Variants in CACNA2D3 observed in about 807,000 individuals in gnomAD.
CACNA2D3 encodes voltage-dependent calcium channel subunit alpha-2/delta-3.
In CACNA2D3, 60 loss-of-function variants were observed where a neutral mutation model predicts 160.6. The ratio of observed to expected loss-of-function variants is 0.37; its 90% CI spans 0.30 to 0.46. CACNA2D3 has a LOEUF of 0.46. Among genes scored for constraint, CACNA2D3 ranks in the 20% least tolerant of loss-of-function variants. CACNA2D3 has a pLI of 1.00. For missense variants in CACNA2D3, 1,205 were observed against 1,365.0 expected (o/e 0.88, Z 1.85); for synonymous variants, 558 against 492.9 (o/e 1.13, Z -1.75).
At chr3:54,743,125 A>G (rs1701686863) in intron 11 of CACNA2D3, among the ~76,000 whole-genome samples, 1 of 152,220 alleles carries the variant, frequency 6.6e-6, no homozygotes, top group Non-Finnish European at 1.5e-5. Context: ...TGTGAAAAGG[A>G]TAGAAAAGGT....
At chr3:54,261,896 C>T (rs896647164) in intron 2 of CACNA2D3, among the ~76,000 whole-genome samples, 5 of 152,134 alleles carry the variant, frequency 3.3e-5, no homozygotes, top group African/African-American at 1.2e-4. Context: ...CCCCATACTT[C>T]CCCCACTGGA....
At chr3:54,897,393 T>C (rs774278773) in intron 26 of CACNA2D3, among the ~76,000 whole-genome samples, 14 of 152,330 alleles carry the variant, frequency 9.2e-5, no homozygotes, top group South Asian at 8.3e-4. Flanking sequence ...GTTTATGATA[T>C]GATAGTATAA....
intron 35 of CACNA2D3, among the ~76,000 whole-genome samples, chr3:55,023,376 G>T (rs1382741492): frequency 6.6e-6 from 1 of 151,942 alleles, no homozygotes; most frequent in Admixed American, 6.6e-5. Context: ...GATCCTGTCT[G>T]GTCTGCTGCT....
chr3:54,479,882 A>G (rs1700904528), intron 4 of CACNA2D3, among the ~76,000 whole-genome samples: 1 of 152,150 alleles, frequency 6.6e-6, no homozygotes, highest in South Asian at 2.1e-4. Flanking sequence ...GCAAAATCAT[A>G]CCATCTTTTG....
chr3:54,156,015 T>C (rs1700237677), intron 2 of CACNA2D3, among the ~76,000 whole-genome samples: 1 of 152,188 alleles, frequency 6.6e-6, no homozygotes, highest in Non-Finnish European at 1.5e-5. Context: ...TAATTTTGTT[T>C]TTTTGAGGCT....
chr3:54,164,020 G>A (rs530156064), intron 2 of CACNA2D3, among the ~76,000 whole-genome samples: 1 of 152,214 alleles, frequency 6.6e-6, no homozygotes, highest in Non-Finnish European at 1.5e-5. Flanking sequence ...AGGAAGGTCA[G>A]GGAAGGAGAT....
At chr3:54,819,595 C>T (rs559599137) in intron 14 of CACNA2D3, among the ~76,000 whole-genome samples, 2 of 152,302 alleles carry the variant, frequency 1.3e-5, no homozygotes, top group African/African-American at 4.8e-5. Flanking sequence ...GCCTGTAATC[C>T]TAGTGCTTTG....
chr3:54,742,491 A>G (rs1462658072), intron 11 of CACNA2D3, among the ~76,000 whole-genome samples: 1 of 152,132 alleles, frequency 6.6e-6, no homozygotes, highest in East Asian at 1.9e-4. Flanking sequence ...TTGAGGGAAG[A>G]CTCAGATTCT....
intron 13 of CACNA2D3, among the ~76,000 whole-genome samples, chr3:54,803,805 GAA>G (rs1292533880): frequency 1.3e-5 from 2 of 152,234 alleles, no homozygotes; most frequent in East Asian, 3.8e-4. Flanking sequence ...CAGCCAGAGA[GAA>G]AGGTCGGATT....
At chr3:55,033,811 T>A (rs1223257684) in intron 35 of CACNA2D3, among the ~76,000 whole-genome samples, 898 of 74,044 alleles carry the variant, frequency 0.012, 74 homozygotes, top group African/African-American at 0.047. Context: ...TAATATGTAT[T>A]ATATATTAAA....
chr3:54,763,664 TG>T (rs1246290300), intron 12 of CACNA2D3, among the ~76,000 whole-genome samples: 1 of 146,296 alleles, frequency 6.8e-6, no homozygotes, highest in South Asian at 2.1e-4. Context: ...TGTGTGTGTG[TG>T]TGTGTATATA....
chr3:54,443,496 TTGGGC>T (rs1249039822), intron 4 of CACNA2D3, among the ~76,000 whole-genome samples: 1 of 152,202 alleles, frequency 6.6e-6, no homozygotes, highest in Non-Finnish European at 1.5e-5. Context: ...GTTAATTCTT[TTGGGC>T]TTCTTCACTA....
chr3:54,553,579 C>T (rs540851685), intron 5 of CACNA2D3, among the ~76,000 whole-genome samples: 3 of 152,344 alleles, frequency 2.0e-5, no homozygotes, highest in Admixed American at 2.0e-4. Flanking sequence ...CCTTCCCTTC[C>T]ATCAGTGGTT....
At chr3:54,851,151 T>A (rs533296071) in intron 17 of CACNA2D3, among the ~76,000 whole-genome samples, 4 of 152,386 alleles carry the variant, frequency 2.6e-5, no homozygotes, top group Admixed American at 2.6e-4. Flanking sequence ...TTCCTTTTTA[T>A]GGGACAGGAA....
chr3:54,478,660 G>GTGTATATATATA lies in CACNA2D3; in HGVS notation c.382-24831_382-24830insGTATATATATAT. Among the ~76,000 whole-genome samples, 20 of 36,374 alleles carry GTGTATATATATA rather than the reference G, an allele frequency of 5.5e-4. 2 individuals are homozygous for GTGTATATATATA. Among genetic ancestry groups the GTGTATATATATA allele is most frequent in the African/African-American group, 1.3e-3 (18 of 13,852 alleles). 23.9% of individuals were successfully genotyped at this position (36,374 alleles called of 152,430 possible). On this transcript the variant is annotated intron_variant, in intron 4 of 37. Coordinates refer to ENST00000474759, the MANE Select transcript of CACNA2D3 (RefSeq NM_018398.3). ...AAAATATATATATAAATATGTGTGTGTATATATATATATATATATTGCTTG... is the reference window on the plus strand; with the variant it reads ...AAAATATATATATAAATATGTGTGTGTGTATATATATATATATATATATATATATATTGCTTG...
chr3:54,664,931 T>C (rs534452044), intron 11 of CACNA2D3, among the ~76,000 whole-genome samples: 1 of 152,336 alleles, frequency 6.6e-6, no homozygotes, highest in East Asian at 1.9e-4. Context: ...ATGCAGGCTA[T>C]GTAGAGAAGG....
Position 54,896,837 on chromosome 3 carries a change from G to A in CACNA2D3, c.2335G>A (p.Gly779Arg). The change falls in exon 26 of 38, where the codon GGG (glycine) becomes AGG (arginine). Residue 779 changes from glycine (G) to arginine (R), a missense_variant. This residue lies in a region of CACNA2D3 where 911 missense variants were observed against 1,002.2 expected (regional missense o/e 0.91). Transcript: ENST00000474759. ...CCGAAGAGCCGCTGAGCAGATTCCA[G>A]GGAGCTTCGTCTACTCGATCCCATT... ...WYRRAAEQIPGSFVYSIPFST... is the reference protein window; with the variant it reads ...WYRRAAEQIPRSFVYSIPFST... The A allele has an allele frequency of 1.2e-6, 2 of 1,613,986 alleles. No individual in the cohort carries two copies. The highest frequency in any genetic ancestry group is 2.2e-5 in the East Asian group (1 of 44,870).
chr3:54,903,251 CTG>C (rs1700380392), intron 27 of CACNA2D3, among the ~76,000 whole-genome samples: 1 of 152,160 alleles, frequency 6.6e-6, no homozygotes. Flanking sequence ...GTTCCCCTCT[CTG>C]TGTCCATGTG....
intron 3 of CACNA2D3, among the ~76,000 whole-genome samples, chr3:54,334,096 T>C (rs1484363483): frequency 6.6e-6 from 1 of 152,192 alleles, no homozygotes; most frequent in African/African-American, 2.4e-5. Context: ...TTTAATTTAA[T>C]TTAATTTTTT....
Sources: gnomAD v4.1 joint callset for allele counts (sites outside exome capture counted in the v4.1 genomes callset) on GRCh38, gnomAD v4.1.1 for gene constraint, gnomAD v4.1.1 regional missense constraint, MANE v1.5 for transcripts, NCBI Gene and HGNC (gene_info 2026-07-23, HGNC 2026-07-21) for gene names.